Variants in NME7 observed in about 807,000 individuals in gnomAD.
NME7 encodes NME/NM23 family member 7, also known as nucleoside diphosphate kinase 7.
NME7 carries 41 observed loss-of-function variants against 49.1 expected under a neutral mutation model. That is an observed-to-expected ratio of 0.83 (90% CI 0.65 to 1.08). The LOEUF is 1.08. NME7 is among the 50% of genes least tolerant of loss of function. The pLI is 0.00. For synonymous variants in NME7, 139 were observed against 150.6 expected (o/e 0.92, Z 0.56); for missense variants, 423 against 463.4 (o/e 0.91, Z 0.80).
intron 1 of NME7, among the ~76,000 whole-genome samples, chr1:169,352,444 C>G (rs1026006085): frequency 1.3e-5 from 2 of 151,962 alleles, no homozygotes; most frequent in Non-Finnish European, 2.9e-5. Flanking sequence ...ATAATAAAAG[C>G]CATATATGAC....
intron 7 of NME7, among the ~76,000 whole-genome samples, chr1:169,251,168 A>C (rs527969196): frequency 1.3e-5 from 2 of 152,172 alleles, no homozygotes; most frequent in Admixed American, 1.3e-4. Context: ...TGTTAAGTGT[A>C]TATAAATTTA....
chr1:169,308,149 C>T (rs1332646051), intron 4 of NME7, among the ~76,000 whole-genome samples: 3 of 152,108 alleles, frequency 2.0e-5, no homozygotes, highest in African/African-American at 7.2e-5. Flanking sequence ...GAAATGTAAG[C>T]CTCCTGTCTC....
chr1:169,212,877 C>A (rs953065143), intron 10 of NME7, among the ~76,000 whole-genome samples: 3 of 152,152 alleles, frequency 2.0e-5, no homozygotes, highest in African/African-American at 7.2e-5. Context: ...GATCCTCCCA[C>A]CTCATCCTCC....
intron 1 of NME7, among the ~76,000 whole-genome samples, chr1:169,348,019 T>C (rs2101971430): frequency 6.6e-6 from 1 of 152,312 alleles, no homozygotes; most frequent in African/African-American, 2.4e-5. Flanking sequence ...TGGCTACTGA[T>C]TCTGATAGCA....
Position 169,261,201 on chromosome 1 carries a change from TAA to T in NME7, c.755-23516_755-23515del, listed in dbSNP as rs1328664088. Among the ~76,000 whole-genome samples the T allele has an allele frequency of 3.0e-5, 4 of 134,546 alleles. 2 individuals are homozygous for T. Among genetic ancestry groups the T allele is most frequent in the Non-Finnish European group, 7.0e-5 (4 of 57,198 alleles). The allele number at this position is 134,546 out of a possible 152,430, so 88.3% of individuals were successfully genotyped here. ...AAAGAAACTTAGATAATTAAGCTTA[TAA>T]GTGATATTTATTGTTTGTGGTATTT... On this transcript the variant is annotated intron_variant, in intron 7 of 11. Transcript: ENST00000367811.
chr1:169,149,308 T>G (rs532001550), intron 11 of NME7, among the ~76,000 whole-genome samples: 5 of 152,182 alleles, frequency 3.3e-5, no homozygotes, highest in African/African-American at 9.6e-5. Flanking sequence ...GCCACTGCAC[T>G]CCAGCCTGGG....
Position 169,274,289 on chromosome 1 carries a change from C to CT in NME7, c.754+13013dup, listed in dbSNP as rs1343533235. ...CTTTTGAGAAGTGTCTGTTCATATT[C>CT]TTTGTCCACTTTTTGATGGGGTTGT... is the stretch of plus-strand genomic sequence containing the variant. On this transcript the variant is annotated intron_variant, in intron 7 of 11. Coordinates refer to ENST00000367811, the MANE Select transcript of NME7 (RefSeq NM_013330.5). Among the ~76,000 whole-genome samples, 3 of 133,022 alleles carry CT rather than the reference C, an allele frequency of 2.3e-5. 1 individual carries two copies. Among genetic ancestry groups the CT allele is most frequent in the Admixed American group, 7.4e-5 (1 of 13,572 alleles). The allele number at this position is 133,022 out of a possible 152,430, so 87.3% of individuals were successfully genotyped here.
chr1:169,322,463 T>C (rs754725728), intron 3 of NME7: 1 of 152,190 alleles, frequency 6.6e-6, no homozygotes, highest in African/African-American at 2.4e-5. Context: ...AATTTATTCA[T>C]TCATATATTT....
intron 9 of NME7, among the ~76,000 whole-genome samples, chr1:169,233,791 A>C (rs1306180078): frequency 6.6e-6 from 1 of 152,190 alleles, no homozygotes; most frequent in Non-Finnish European, 1.5e-5. Flanking sequence ...TACTGCCTAC[A>C]CACAAATGTC....
intron 10 of NME7, among the ~76,000 whole-genome samples, chr1:169,228,080 G>A (rs1477002350): frequency 6.8e-6 from 1 of 146,178 alleles, no homozygotes; most frequent in South Asian, 2.2e-4. Flanking sequence ...ACATATATAC[G>A]TGTAATTTTA....
chr1:169,279,837 C>T (rs74732281), intron 7 of NME7, among the ~76,000 whole-genome samples: 3,152 of 152,092 alleles, frequency 0.021, 111 homozygotes, highest in African/African-American at 0.072. Flanking sequence ...TTGGCTCCTC[C>T]CCACATTTTC....
chr1:169,219,094 T>A (rs546605055), intron 10 of NME7, among the ~76,000 whole-genome samples: 2 of 152,230 alleles, frequency 1.3e-5, no homozygotes, highest in Non-Finnish European at 2.9e-5. Flanking sequence ...TTCTTTAAAT[T>A]ATAGCTCCAG....
At chr1:169,150,541 T>C (rs1296729906) in intron 11 of NME7, among the ~76,000 whole-genome samples, 1 of 152,126 alleles carries the variant, frequency 6.6e-6, no homozygotes, top group African/African-American at 2.4e-5. Flanking sequence ...CATTGCTTAG[T>C]GGTGATGGAA....
Position 169,324,483 on chromosome 1 carries a change from G to T in NME7, c.21C>A (p.Phe7Leu). 6.2e-7 allele frequency: 1 copy of T among 1,606,930 alleles called. No homozygotes were observed. MNHSERFVFIAEWYDPN... is the reference protein window; with the variant it reads MNHSERLVFIAEWYDPN... ...GATCATACCACTCTGCAATGAAAAC[G>T]AATCTTTCACTATGATTCTGCAAAG... Residue 7 changes from phenylalanine to leucine, a missense_variant, in exon 2 of 12, where the codon TTC becomes TTA. By Grantham distance (22) the Phe-to-Leu change is conservative (BLOSUM62 0). Coordinates refer to ENST00000367811, the MANE Select transcript of NME7 (RefSeq NM_013330.5).
chr1:169,175,708 T>A (rs1342206447), intron 10 of NME7, among the ~76,000 whole-genome samples: 1 of 151,406 alleles, frequency 6.6e-6, no homozygotes, highest in African/African-American at 2.4e-5. Context: ...AGGTCACTAG[T>A]CTAATTCCAG....
At chr1:169,252,485 C>T (rs773255572) in intron 7 of NME7, among the ~76,000 whole-genome samples, 50 of 151,854 alleles carry the variant, frequency 3.3e-4, no homozygotes, top group Non-Finnish European at 4.4e-4. Context: ...GAGTAGGTTG[C>T]GAAAATTTTC....
chr1:169,353,802 G>A (rs1382044213), intron 1 of NME7, among the ~76,000 whole-genome samples: 1 of 152,034 alleles, frequency 6.6e-6, no homozygotes. Flanking sequence ...ATGAAAAGTT[G>A]CTCAATATCA....
At chr1:169,285,740 G>A (rs1275555539) in intron 7 of NME7, 1 of 151,986 alleles carries the variant, frequency 6.6e-6, no homozygotes, top group African/African-American at 2.4e-5. Context: ...GGCACATAAT[G>A]GTATATTCTC....
intron 7 of NME7, among the ~76,000 whole-genome samples, chr1:169,244,622 T>C (rs12066426): frequency 0.39 from 52,874 of 137,252 alleles, 10,569 homozygotes; most frequent in East Asian, 0.78. Context: ...GACCACAGAC[T>C]GAGACTCCAT....
Sources: gnomAD v4.1 joint callset for allele counts (sites outside exome capture counted in the v4.1 genomes callset) on GRCh38, gnomAD v4.1.1 for gene constraint, MANE v1.5 for transcripts, NCBI Gene and HGNC (gene_info 2026-07-23, HGNC 2026-07-21) for gene names.